ASXL2: variants seen among roughly 807,000 people sequenced by gnomAD.
The protein encoded by ASXL2 is putative Polycomb group protein ASXL2.
In ASXL2, 23 loss-of-function variants were observed where a neutral mutation model predicts 122.0. The ratio of observed to expected loss-of-function variants is 0.19; its 90% CI spans 0.14 to 0.27. ASXL2 has a LOEUF of 0.27. Among genes scored for constraint, ASXL2 ranks in the 10% least tolerant of loss-of-function variants. The pLI, the probability that ASXL2 is intolerant of heterozygous loss-of-function variation, is 1.00. For missense variants in ASXL2, 1,518 were observed against 1,713.8 expected (o/e 0.89, Z 2.02); for synonymous variants, 650 against 637.0 (o/e 1.02, Z -0.31).
intron 1 of ASXL2, among the ~76,000 whole-genome samples, chr2:25,867,607 C>G (rs2089920584): frequency 1.4e-5 from 2 of 141,068 alleles, no homozygotes; most frequent in Admixed American, 7.1e-5. Flanking sequence ...ATGCCCCAAT[C>G]TGCTTAAAAC....
chr2:25,820,523 A>G lies in ASXL2; in HGVS notation c.144-14186T>C, dbSNP rs1218915950. 2.6e-5 allele frequency among the ~76,000 whole-genome samples: 4 copies of G among 152,218 alleles called. No individual in the cohort carries two copies. In the East Asian group the frequency reaches 5.8e-4, roughly 22 times the overall value. Reference sequence around the variant, plus strand: ...AATTTGGAGTTTATGATTACATATTATATGATTCCATTTATATGAATGTCC... The same window carrying G: ...AATTTGGAGTTTATGATTACATATTGTATGATTCCATTTATATGAATGTCC... On this transcript the variant is annotated intron_variant, in intron 3 of 12. Coordinates refer to ENST00000435504, the MANE Select transcript of ASXL2 (RefSeq NM_018263.6).
At chr2:25,770,348 A>G (rs979730094) in intron 6 of ASXL2, among the ~76,000 whole-genome samples, 1 of 152,140 alleles carries the variant, frequency 6.6e-6, no homozygotes. Context: ...AGCTGGGATT[A>G]CAGGAGGTCT....
intron 3 of ASXL2, among the ~76,000 whole-genome samples, chr2:25,808,004 C>CACACACACACACAT (rs1222381330): frequency 6.6e-6 from 1 of 151,316 alleles, no homozygotes; most frequent in Non-Finnish European, 1.5e-5. Context: ...CACACACACA[C>CACACACACACACAT]ACACACACAC....
intron 1 of ASXL2, among the ~76,000 whole-genome samples, chr2:25,869,384 C>CAA (rs371194544): frequency 7.5e-6 from 1 of 132,726 alleles, no homozygotes; most frequent in South Asian, 2.3e-4. Context: ...TAAAAAGGTA[C>CAA]AAAAAAAAAA....
chr2:25,854,593 C>T (rs2089755225), intron 1 of ASXL2, among the ~76,000 whole-genome samples: 1 of 152,198 alleles, frequency 6.6e-6, no homozygotes, highest in Non-Finnish European at 1.5e-5. Flanking sequence ...CAATTTGTAG[C>T]TTAACCTAGT....
chr2:25,741,967 A>G lies in ASXL2; in HGVS notation c.*62T>C, dbSNP rs2087834490. The G allele has an allele frequency of 6.6e-7, 1 of 1,510,816 alleles. No homozygotes were observed. The highest frequency in any genetic ancestry group is 8.9e-7 in the Non-Finnish European group (1 of 1,122,700). The allele number at this position is 1,510,816 out of a possible 1,614,324, so 93.6% of individuals were successfully genotyped here. On this transcript the variant is annotated 3_prime_UTR_variant, in exon 13 of 13. Coordinates refer to ENST00000435504, the MANE Select transcript of ASXL2 (RefSeq NM_018263.6). Reference sequence around the variant, plus strand: ...TTTCTGTGATTCCAAAAGGACGCAAAAAACCCAACTGGTCAACCCTTCCCT... The same window carrying G: ...TTTCTGTGATTCCAAAAGGACGCAAGAAACCCAACTGGTCAACCCTTCCCT...
intron 3 of ASXL2, among the ~76,000 whole-genome samples, chr2:25,814,057 A>G (rs2089205085): frequency 6.6e-6 from 1 of 152,188 alleles, no homozygotes; most frequent in South Asian, 2.1e-4. Context: ...CTCAAAAAAT[A>G]AAAAATAAAA....
At chr2:25,846,762 G>C (rs180784671) in intron 1 of ASXL2, among the ~76,000 whole-genome samples, 1 of 152,344 alleles carries the variant, frequency 6.6e-6, no homozygotes, top group Non-Finnish European at 1.5e-5. Flanking sequence ...GTTGCAGTAA[G>C]CCGAGATTGT....
At chr2:25,856,436 G>C in intron 1 of ASXL2, 2 of 843,652 alleles carry the variant, frequency 2.4e-6, no homozygotes, top group Admixed American at 3.7e-5. Context: ...GGTCTGTCCA[G>C]TGGAGTCCTG....
intron 12 of ASXL2, among the ~76,000 whole-genome samples, chr2:25,746,739 A>G (rs760834096): frequency 6.6e-5 from 10 of 152,342 alleles, no homozygotes; most frequent in Admixed American, 2.6e-4. Context: ...AATAAGTTTC[A>G]GTTACTTACG....
At chr2:25,808,127 G>A (rs1202441082) in intron 3 of ASXL2, among the ~76,000 whole-genome samples, 2 of 151,760 alleles carry the variant, frequency 1.3e-5, no homozygotes, top group Admixed American at 6.6e-5. Context: ...TGTTCTCCAC[G>A]GAATCTTCAG....
chr2:25,851,116 A>T (rs1053782948), intron 1 of ASXL2, among the ~76,000 whole-genome samples: 2 of 151,750 alleles, frequency 1.3e-5, no homozygotes, highest in Non-Finnish European at 2.9e-5. Flanking sequence ...ACTGCACTCC[A>T]GCCTGGGCAA....
intron 9 of ASXL2, among the ~76,000 whole-genome samples, chr2:25,758,431 A>G (rs1410203457): frequency 6.6e-6 from 1 of 152,198 alleles, no homozygotes; most frequent in African/African-American, 2.4e-5. Flanking sequence ...CACATTACTT[A>G]GAACACAGCT....
chr2:25,830,198 TG>T (rs1485981040), intron 3 of ASXL2, among the ~76,000 whole-genome samples: 1 of 152,208 alleles, frequency 6.6e-6, no homozygotes, highest in Non-Finnish European at 1.5e-5. Flanking sequence ...GTAAGCACAG[TG>T]AATGCCAGCT....
At chr2:25,769,410 A>G (rs2088408384) in intron 6 of ASXL2, among the ~76,000 whole-genome samples, 1 of 152,204 alleles carries the variant, frequency 6.6e-6, no homozygotes, top group Admixed American at 6.5e-5. Flanking sequence ...GGTGACAGCA[A>G]TGAGATTTGT....
At chr2:25,765,646 G>A (rs1200258493) in intron 8 of ASXL2, among the ~76,000 whole-genome samples, 1 of 152,008 alleles carries the variant, frequency 6.6e-6, no homozygotes, top group Non-Finnish European at 1.5e-5. Context: ...CTTTTTTTAT[G>A]GTTAATTTTT....
At chr2:25,808,280 C>T (rs553857902) in intron 3 of ASXL2, among the ~76,000 whole-genome samples, 1 of 152,088 alleles carries the variant, frequency 6.6e-6, no homozygotes, top group Non-Finnish European at 1.5e-5. Flanking sequence ...CAGTATGAAT[C>T]GTAAGGAGAA....
At chr2:25,849,452 CAA>C (rs34833277) in intron 1 of ASXL2, among the ~76,000 whole-genome samples, 26 of 70,626 alleles carry the variant, frequency 3.7e-4, no homozygotes, top group African/African-American at 3.3e-4. Flanking sequence ...GACTCTGACT[CAA>C]AAAAAAAAAA....
At chr2:25,843,814 T>TAAAAAAAAAAAAA (rs541446675) in intron 2 of ASXL2, among the ~76,000 whole-genome samples, 2 of 86,538 alleles carry the variant, frequency 2.3e-5, no homozygotes, top group Non-Finnish European at 4.5e-5. Flanking sequence ...CTCCATCTCT[T>TAAAAAAAAAAAAA]AAAAAAAAAA....
Sources: allele counts gnomAD v4.1 joint callset (sites outside exome capture counted in the v4.1 genomes callset), GRCh38; gene constraint gnomAD v4.1.1; transcripts MANE v1.5; gene names NCBI Gene and HGNC (gene_info 2026-07-23, HGNC 2026-07-21).